OSBPL10: variants seen among roughly 807,000 people sequenced by gnomAD.
The protein encoded by OSBPL10 is oxysterol-binding protein-related protein 10.
A neutral mutation model predicts 81.7 loss-of-function variants in OSBPL10; 49 were observed. The observed-to-expected ratio is 0.60, with a 90% CI of 0.48 to 0.76. The LOEUF (loss-of-function observed/expected upper bound fraction) is 0.76. Among genes scored for constraint, OSBPL10 ranks in the 30% least tolerant of loss-of-function variants. OSBPL10 has a pLI of 0.00. For missense variants in OSBPL10, 923 were observed against 987.8 expected, an observed-to-expected ratio of 0.93 and a Z score of 0.88; for synonymous variants, 419 against 383.6, an observed-to-expected ratio of 1.09 and a Z score of -1.08.
chr3:31,987,112 GTA>G (rs974043873), intron 2 of OSBPL10, among the ~76,000 whole-genome samples: 1 of 134,566 alleles, frequency 7.4e-6, no homozygotes, highest in Admixed American at 7.4e-5. Context: ...ATATGTATGT[GTA>G]TACACACACA....
intron 3 of OSBPL10, among the ~76,000 whole-genome samples, chr3:31,830,462 G>C (rs764156387): frequency 6.6e-6 from 1 of 151,928 alleles, no homozygotes; most frequent in Non-Finnish European, 1.5e-5. Flanking sequence ...CCTGTCCTAC[G>C]CTATGGCCAT....
At chr3:31,945,698 A>C (rs1235851265) in intron 1 of OSBPL10, among the ~76,000 whole-genome samples, 2 of 152,190 alleles carry the variant, frequency 1.3e-5, no homozygotes, top group Admixed American at 6.5e-5. Flanking sequence ...CCAGACGCTC[A>C]GGATGCCAAA....
rs116524104 is a variant in OSBPL10, at chr3:31,962,866, A to G, written c.281+18033T>C. ...ACTAAACAAATATTGAGTACCTACT[A>G]TGCGCCAGGCACTGTGCCAGAACTT... On this transcript the variant is annotated intron_variant, in intron 1 of 11. Transcript: ENST00000396556. Among the ~76,000 whole-genome samples, 1,459 of 152,364 alleles carry G rather than the reference A, an allele frequency of 9.6e-3. 21 individuals carry two copies. Among genetic ancestry groups the G allele is most frequent in the African/African-American group, 0.033 (1,376 of 41,586 alleles).
chr3:31,769,038 AACT>A lies in OSBPL10; in HGVS notation c.730-20921_730-20919del, dbSNP rs1186384302. Among the ~76,000 whole-genome samples, 3 of 152,276 alleles carry A rather than the reference AACT, an allele frequency of 2.0e-5. No homozygotes were observed. In the East Asian group the frequency reaches 5.8e-4, roughly 29 times the overall value. On this transcript the variant is annotated intron_variant, in intron 4 of 11. Transcript: ENST00000396556. ...CAGCCGCGGAAAAATAAGCCAACTG[AACT>A]ACTGAGTGCCAAGCCCCATGGAAAA...
At chr3:31,912,101 A>C (rs1338473159) in intron 1 of OSBPL10, among the ~76,000 whole-genome samples, 1 of 126,108 alleles carries the variant, frequency 7.9e-6, no homozygotes, top group Admixed American at 7.5e-5. Flanking sequence ...TGTTTAAATC[A>C]AAAAAAAAAA....
At chr3:31,994,204 G>A (rs1268586352) in intron 2 of OSBPL10, among the ~76,000 whole-genome samples, 2 of 152,192 alleles carry the variant, frequency 1.3e-5, no homozygotes, top group Non-Finnish European at 2.9e-5. Context: ...TGAGAGTAGT[G>A]ATTGCCAAGA....
chr3:31,903,514 A>G (rs960231217), intron 1 of OSBPL10, among the ~76,000 whole-genome samples: 3 of 152,086 alleles, frequency 2.0e-5, no homozygotes, highest in Non-Finnish European at 4.4e-5. Flanking sequence ...ACTCTTTTGT[A>G]GAGACAGGGT....
chr3:31,723,538 TTACA>T (rs1017838517), intron 6 of OSBPL10, among the ~76,000 whole-genome samples: 1 of 144,240 alleles, frequency 6.9e-6, no homozygotes, highest in African/African-American at 2.8e-5. Context: ...GCTCTGTTTC[TTACA>T]CACACACACA....
At chr3:31,740,470 A>G (rs1697306508) in intron 5 of OSBPL10, among the ~76,000 whole-genome samples, 1 of 152,250 alleles carries the variant, frequency 6.6e-6, no homozygotes, top group African/African-American at 2.4e-5. Flanking sequence ...TAATAACAAT[A>G]GCCTACATAA....
chr3:31,850,341 AAAAG>A (rs1467897329), intron 3 of OSBPL10, among the ~76,000 whole-genome samples: 1 of 152,190 alleles, frequency 6.6e-6, no homozygotes, highest in Non-Finnish European at 1.5e-5. Context: ...CTCAAAAAGA[AAAAG>A]AAAGAAAAAA....
At chr3:31,799,379 T>A (rs6802940) in intron 4 of OSBPL10, among the ~76,000 whole-genome samples, 1,216 of 56,296 alleles carry the variant, frequency 0.022, 64 homozygotes, top group African/African-American at 0.072. Flanking sequence ...CCTATCTCTT[T>A]AAAAAAAAAA....
chr3:31,837,321 TTATA>T lies in OSBPL10; in HGVS notation c.538-7094_538-7091del, dbSNP rs59797512. 4.9e-3 allele frequency among the ~76,000 whole-genome samples: 286 copies of T among 58,348 alleles called. 1 individual carries two copies. Among genetic ancestry groups the T allele is most frequent in the Middle Eastern group, 0.011 (1 of 94 alleles). The allele number at this position is 58,348 out of a possible 152,430, so 38.3% of individuals were successfully genotyped here. ...ATTCCTAGAATTACAGATCCCCAAA[TTATA>T]TATATATATATATATATATATATAT... On this transcript the variant is annotated intron_variant, in intron 3 of 11. Coordinates refer to ENST00000396556, the MANE Select transcript of OSBPL10 (RefSeq NM_017784.5).
chr3:31,935,007 C>G (rs1271498287), intron 1 of OSBPL10, among the ~76,000 whole-genome samples: 1 of 152,176 alleles, frequency 6.6e-6, no homozygotes, highest in African/African-American at 2.4e-5. Flanking sequence ...ATTTGCAACT[C>G]TTAGCGCTTG....
upstream of OSBPL10, among the ~76,000 whole-genome samples, chr3:31,981,575 C>T (rs1698845165): frequency 6.6e-6 from 1 of 152,154 alleles, no homozygotes; most frequent in African/African-American, 2.4e-5. The surrounding 1 kb of genome is among the most constrained non-coding windows in gnomAD (Gnocchi z 4.5). Context: ...GCCCTAAATC[C>T]ACGCCAAGTC....
chr3:31,763,276 CACTT>C (rs1403259118), intron 4 of OSBPL10, among the ~76,000 whole-genome samples: 1 of 152,196 alleles, frequency 6.6e-6, no homozygotes, highest in Non-Finnish European at 1.5e-5. Flanking sequence ...TTTACTGACT[CACTT>C]CAGAAGTCTT....
chr3:31,917,830 A>C (rs1696800579), intron 1 of OSBPL10, among the ~76,000 whole-genome samples: 1 of 151,550 alleles, frequency 6.6e-6, no homozygotes, highest in African/African-American at 2.4e-5. Flanking sequence ...CGGTTTTGTT[A>C]TCAGCCTTAG....
intron 8 of OSBPL10, 148 bp from the exon 9 acceptor site, chr3:31,671,131 G>A (rs1700314217): frequency 1.3e-6 from 1 of 749,460 alleles, no homozygotes; most frequent in South Asian, 2.2e-5. Flanking sequence ...CGTTCACTGT[G>A]GGCTCTACTG....
At chr3:31,794,138 C>T (rs1699116084) in intron 4 of OSBPL10, among the ~76,000 whole-genome samples, 1 of 152,152 alleles carries the variant, frequency 6.6e-6, no homozygotes, top group Admixed American at 6.5e-5. Context: ...CCCACTTTCC[C>T]CACATAGTTT....
intron 1 of OSBPL10, among the ~76,000 whole-genome samples, chr3:32,067,701 A>C (rs1699790386): frequency 6.6e-6 from 1 of 152,126 alleles, no homozygotes; most frequent in Admixed American, 6.5e-5. Context: ...GTTTCTTTGT[A>C]ATTCTCCCCA....
Sources: gnomAD v4.1 joint callset for allele counts (sites outside exome capture counted in the v4.1 genomes callset) on GRCh38, gnomAD v4.1.1 for gene constraint, Gnocchi (gnomAD v3.1) non-coding constraint, MANE v1.5 for transcripts, NCBI Gene and HGNC (gene_info 2026-07-23, HGNC 2026-07-21) for gene names.